The following ARHGAP29 variants were observed in gnomAD, a reference collection of about 807,000 sequenced individuals.
ARHGAP29 encodes the protein Rho GTPase activating protein 29, also known as rho GTPase-activating protein 29.
Under a neutral mutation model 122.6 loss-of-function variants are expected in ARHGAP29, and 43 were observed. The observed-to-expected ratio is 0.35, with a 90% CI of 0.27 to 0.45. The LOEUF (loss-of-function observed/expected upper bound fraction) is 0.45. ARHGAP29 is among the 20% of genes least tolerant of loss of function. The probability of loss-of-function intolerance (pLI) is 1.00; values close to 1 mark genes in which losing one functional copy is unlikely to be tolerated. For synonymous variants in ARHGAP29, 506 were observed against 497.1 expected, an observed-to-expected ratio of 1.02 and a Z score of -0.24; for missense variants, 1,303 against 1,477.2, an observed-to-expected ratio of 0.88 and a Z score of 1.93.
chr1:94,203,075 A>G (rs1650962501), intron 9 of ARHGAP29, 25 bp downstream of exon 9: 6 of 1,599,868 alleles, frequency 3.8e-6, no homozygotes, highest in Non-Finnish European at 5.1e-6. Flanking sequence ...ATAAAAGTGC[A>G]TTATACATAT....
chr1:94,215,022 C>T (rs1176217696), intron 3 of ARHGAP29, among the ~76,000 whole-genome samples: 1 of 149,292 alleles, frequency 6.7e-6, no homozygotes, highest in Non-Finnish European at 1.5e-5. Context: ...GGTCACAATC[C>T]ACTAACTTGA....
chr1:94,184,080 A>G (rs770241089), intron 19 of ARHGAP29, 71 bp downstream of exon 19: 75 of 1,521,110 alleles, frequency 4.9e-5, no homozygotes, highest in Non-Finnish European at 6.6e-5. Context: ...AGCAAATGTT[A>G]TCAGCAAAAT....
chr1:94,308,173 A>G, the ARHGAP29 span, among the ~76,000 whole-genome samples: 2 of 152,186 alleles, frequency 1.3e-5, no homozygotes, highest in Non-Finnish European at 2.9e-5. Context: ...ATACTTAATA[A>G]TACCCAAATG....
At chr1:94,183,945 G>A (rs1382681150) in intron 19 of ARHGAP29, among the ~76,000 whole-genome samples, 1 of 152,020 alleles carries the variant, frequency 6.6e-6, no homozygotes, top group Non-Finnish European at 1.5e-5. Flanking sequence ...TTCTTAAGGT[G>A]GGTGATGGGA....
At chr1:94,225,198 T>G (rs187889080) in intron 2 of ARHGAP29, among the ~76,000 whole-genome samples, 1 of 152,200 alleles carries the variant, frequency 6.6e-6, no homozygotes, top group East Asian at 1.9e-4. Context: ...CTGAAGAAAG[T>G]TAAGTGGCTG....
In ARHGAP29 at chr1:94,185,451, GT is replaced by G; in HGVS notation, c.1810del (p.Thr604HisfsTer2). ...GPNSLGTFKKTLMSKAALTHK... is the reference protein window; with the variant it reads ...GPNSLGTFKKXLMSKAALTHK... ...TGTGAGAGCTGCCTTTGACATCAAT[GT>G]TTTCTTAAATGTTCCAAGGGAATTG... On this transcript the variant is annotated frameshift_variant, in exon 17 of 23. Coordinates refer to ENST00000260526, the MANE Select transcript of ARHGAP29 (RefSeq NM_004815.4). LOFTEE classifies it high-confidence loss of function. 1 of 1,610,490 alleles carries G rather than the reference GT, an allele frequency of 6.2e-7. No homozygotes were observed. The highest frequency in any genetic ancestry group is 1.1e-5 in the South Asian group (1 of 90,046).
intron 12 of ARHGAP29, chr1:94,191,395 T>C (rs1199040788): frequency 1.3e-5 from 2 of 152,206 alleles, no homozygotes; most frequent in African/African-American, 4.8e-5. Flanking sequence ...ATAGGATAAT[T>C]AGCCTCTAAG....
chr1:94,268,085 T>C (rs1019612457), intron 1 of ARHGAP29, among the ~76,000 whole-genome samples: 2 of 152,200 alleles, frequency 1.3e-5, no homozygotes, highest in African/African-American at 4.8e-5. Context: ...AATTTCATTA[T>C]AGTTCTGTTT....
At chr1:94,288,022 A>G in the ARHGAP29 span, among the ~76,000 whole-genome samples, 7 of 152,266 alleles carry the variant, frequency 4.6e-5, no homozygotes, top group African/African-American at 1.7e-4. Flanking sequence ...ATACCCAGTA[A>G]TGGGATTGCT....
chr1:94,264,083 A>G (rs571517095), intron 1 of ARHGAP29, among the ~76,000 whole-genome samples: 2 of 152,086 alleles, frequency 1.3e-5, no homozygotes, highest in Non-Finnish European at 2.9e-5. Context: ...TATTTTTATA[A>G]CTCTTCGTAC....
chr1:94,260,846 G>A lies in ARHGAP29; in HGVS notation c.-33+14166C>T, dbSNP rs530355436. On this transcript the variant is annotated intron_variant and NMD_transcript_variant, in intron 1 of 25. Transcript: ENST00000552844. ...AGGCAGCTGATGCTGGTGTCTGAGGGCCCACAGGATAACTCAAACTGCATT... is the reference window on the plus strand; with the variant it reads ...AGGCAGCTGATGCTGGTGTCTGAGGACCCACAGGATAACTCAAACTGCATT... 2.0e-5 allele frequency among the ~76,000 whole-genome samples: 3 copies of A among 152,222 alleles called. No homozygotes were observed. The South Asian group carries it at 6.2e-4, about 32-fold the overall frequency.
intron 22 of ARHGAP29, among the ~76,000 whole-genome samples, chr1:94,175,208 A>G (rs996609268): frequency 6.6e-6 from 1 of 152,214 alleles, no homozygotes; most frequent in South Asian, 2.1e-4. Context: ...CAGTGAGAGC[A>G]TATGATATTA....
chr1:94,279,010 A>G (rs1404970644), upstream of ARHGAP29, among the ~76,000 whole-genome samples: 1 of 152,228 alleles, frequency 6.6e-6, no homozygotes, highest in African/African-American at 2.4e-5. Flanking sequence ...TGATCAATTT[A>G]CCCTTGTGAG....
At chr1:94,291,151 T>C in the ARHGAP29 span, among the ~76,000 whole-genome samples, 1 of 152,358 alleles carries the variant, frequency 6.6e-6, no homozygotes, top group South Asian at 2.1e-4. Context: ...CTTGTTGAAT[T>C]GATCCCTTTA....
At chr1:94,199,079 C>G (rs1056443086) in intron 12 of ARHGAP29, among the ~76,000 whole-genome samples, 1 of 151,820 alleles carries the variant, frequency 6.6e-6, no homozygotes, top group Non-Finnish European at 1.5e-5. Context: ...CATCACACAC[C>G]GGGGCCTGTC....
intron 12 of ARHGAP29, chr1:94,193,655 A>T (rs1396019709): frequency 6.6e-6 from 1 of 152,340 alleles, no homozygotes; most frequent in East Asian, 1.9e-4. Flanking sequence ...TAAAGCAGTG[A>T]AAGAACTGAT....
chr1:94,260,853 G>A (rs977537462), intron 1 of ARHGAP29, among the ~76,000 whole-genome samples: 3 of 152,136 alleles, frequency 2.0e-5, no homozygotes, highest in Non-Finnish European at 4.4e-5. Flanking sequence ...AGGGCCCACA[G>A]GATAACTCAA....
intron 12 of ARHGAP29, chr1:94,190,784 C>T (rs1405534943): frequency 6.6e-6 from 1 of 152,092 alleles, no homozygotes; most frequent in Non-Finnish European, 1.5e-5. Flanking sequence ...CCTCCTGGAC[C>T]TTTACGTTCT....
intron 2 of ARHGAP29, among the ~76,000 whole-genome samples, chr1:94,227,775 AG>A (rs1652690236): frequency 6.6e-6 from 1 of 151,824 alleles, no homozygotes; most frequent in Non-Finnish European, 1.5e-5. Flanking sequence ...GTTATTCCAC[AG>A]GGAGGAAACC....
Sources: allele counts gnomAD v4.1 joint callset (sites outside exome capture counted in the v4.1 genomes callset), GRCh38; gene constraint gnomAD v4.1.1; transcripts MANE v1.5; gene names NCBI Gene and HGNC (gene_info 2026-07-23, HGNC 2026-07-21).